The following XRN2 variants were observed in gnomAD, a reference collection of about 807,000 sequenced individuals.
XRN2 encodes the protein DHM1-like protein.
In XRN2, 44 loss-of-function variants were observed where a neutral mutation model predicts 138.5. The observed-to-expected ratio is 0.32, with a 90% confidence interval of 0.25 to 0.41. XRN2 has a LOEUF of 0.41. XRN2 is among the 10% of genes least tolerant of loss of function. The pLI is 1.00. For missense variants in XRN2, 937 were observed against 1,169.3 expected, an observed-to-expected ratio of 0.80 and a Z score of 2.90; for synonymous variants, 354 against 369.4, an observed-to-expected ratio of 0.96 and a Z score of 0.48.
intron 27 of XRN2, among the ~76,000 whole-genome samples, 198 bp from the exon 28 acceptor site, chr20:21,381,796 G>GA (rs1451502138): frequency 5.3e-5 from 8 of 151,896 alleles, no homozygotes; most frequent in African/African-American, 7.3e-5. Context: ...GTTATCAAAG[G>GA]AAAAATAATA....
intron 20 of XRN2, among the ~76,000 whole-genome samples, chr20:21,354,486 T>C (rs532492570): frequency 6.6e-6 from 1 of 152,332 alleles, no homozygotes; most frequent in African/African-American, 2.4e-5. Flanking sequence ...ATATTACTGG[T>C]ATCCAGGTAG....
rs867332455 is a variant in XRN2 at position 21,330,670 on chromosome 20, C to T, written c.541C>T (p.Arg181Cys). Residue 181 changes from arginine (R) to cysteine (C), a missense_variant, in exon 6 of 30, where the codon CGT becomes TGT. By Grantham distance (180) the Arg-to-Cys change is radical (BLOSUM62 -3). This residue lies in a region of XRN2 where 471 missense variants were observed against 581.2 expected (regional missense o/e 0.81). Coordinates refer to ENST00000377191, the MANE Select transcript of XRN2 (RefSeq NM_012255.5). ...ATGCCTTCGCTATTACATAGCTGAT[C>T]GTTTAAATAATGACCCTGGGTGGAA... ...AKCLRYYIAD[R>C]LNNDPGWKNL... The T allele has an allele frequency of 6.2e-7, 1 of 1,612,958 alleles. No individual in the cohort carries two copies. The highest frequency in any genetic ancestry group is 8.5e-7 in the Non-Finnish European group (1 of 1,179,944).
chr20:21,383,227 C>T (rs906884406), intron 28 of XRN2, among the ~76,000 whole-genome samples: 1 of 152,158 alleles, frequency 6.6e-6, no homozygotes, highest in Admixed American at 6.5e-5. Flanking sequence ...GTTCTGAAAG[C>T]ACACAGTATG....
chr20:21,335,364 A>G (rs1197118883), intron 13 of XRN2, among the ~76,000 whole-genome samples: 1 of 152,240 alleles, frequency 6.6e-6, no homozygotes, highest in Non-Finnish European at 1.5e-5. Context: ...TTAAGCAGAT[A>G]ACAACATATA....
chr20:21,332,269 T>C lies in XRN2; in HGVS notation c.701-14T>C. ...TACTCACTGTTCGATGTTTTTCTCA[T>C]TGTTGATTGATAGCTGATCTCATTA... On this transcript the variant is annotated splice_polypyrimidine_tract_variant and intron_variant, in intron 8 of 29. Transcript: ENST00000377191. 6.2e-7 allele frequency: 1 copy of C among 1,605,774 alleles called. No homozygotes were observed. Among genetic ancestry groups the C allele is most frequent in the South Asian group, 1.1e-5 (1 of 90,294 alleles).
chr20:21,351,228 A>G (rs2038506866), intron 20 of XRN2, among the ~76,000 whole-genome samples: 5 of 152,230 alleles, frequency 3.3e-5, no homozygotes, highest in Admixed American at 1.3e-4. Context: ...ATAATGTACA[A>G]GAGTTCAGAT....
chr20:21,339,363 A>G (rs1373789554), intron 14 of XRN2, among the ~76,000 whole-genome samples: 2 of 152,194 alleles, frequency 1.3e-5, no homozygotes, highest in Non-Finnish European at 2.9e-5. Context: ...TTGTTTTTTA[A>G]GTAAAAATGG....
chr20:21,389,368 A>G lies in XRN2; in HGVS notation c.*30A>G, dbSNP rs200364704. On this transcript the variant is annotated 3_prime_UTR_variant, in exon 30 of 30. Coordinates refer to ENST00000377191, the MANE Select transcript of XRN2 (RefSeq NM_012255.5). ...TTGTAAAGCTTTCCCAAATCCTTTC[A>G]TCATTCTACAGTTTTATGCTATTTG... 3.1e-6 allele frequency: 5 copies of G among 1,594,288 alleles called. No homozygotes were observed. In the African/African-American group the frequency reaches 5.4e-5, roughly 17 times the overall value.
chr20:21,360,569 CTTTT>C (rs1193571852), intron 24 of XRN2, among the ~76,000 whole-genome samples: 1 of 151,220 alleles, frequency 6.6e-6, no homozygotes, highest in Non-Finnish European at 1.5e-5. Flanking sequence ...AGAGCGTAAA[CTTTT>C]TTCTTCAGAG....
intron 1 of XRN2, 184 bp downstream of exon 1, chr20:21,303,657 G>C (rs2037770999): frequency 1.5e-6 from 2 of 1,338,002 alleles, no homozygotes; most frequent in African/African-American, 3.1e-5. Flanking sequence ...CAGCACCCCG[G>C]GGGCGAGGAA....
intron 1 of XRN2, among the ~76,000 whole-genome samples, chr20:21,314,767 A>G (rs763308243): frequency 4.6e-5 from 7 of 151,828 alleles, no homozygotes; most frequent in East Asian, 3.9e-4. Context: ...GAGGGTTCCA[A>G]TTTTTCCACA....
chr20:21,387,350 A>G (rs1163709843), intron 29 of XRN2, among the ~76,000 whole-genome samples: 1 of 150,536 alleles, frequency 6.6e-6, no homozygotes, highest in African/African-American at 2.5e-5. Context: ...TTAATGGGTG[A>G]TGATTTTCTG....
rs189745843 is a variant in XRN2, at chr20:21,344,328, A to G, written c.1529+120A>G. 2.1e-4 allele frequency: 151 copies of G among 716,048 alleles called. No homozygotes were observed. The Admixed American group carries it at 3.1e-3, about 15-fold the overall frequency. 44.4% of individuals were successfully genotyped at this position (716,048 alleles called of 1,614,324 possible). ...ATGCTTGCCTGTGATCTTTTTATCC[A>G]TCAGTAATTAATGTGGAGGGTTAGA... On this transcript the variant is annotated intron_variant, in intron 16 of 29. Transcript: ENST00000377191.
chr20:21,377,949 C>G (rs982146856), intron 27 of XRN2, among the ~76,000 whole-genome samples: 3 of 152,166 alleles, frequency 2.0e-5, no homozygotes, highest in Admixed American at 1.3e-4. Context: ...CCGCTCTTTC[C>G]GTCCCTCGAC....
rs763074168 is a variant in XRN2, at chr20:21,331,550, T to A, written c.577-11T>A. ...GGGGATAATCTGAAAGTGTTAACAA[T>A]TTTTTTATAGGTTATTTTATCTGAT... On this transcript the variant is annotated splice_polypyrimidine_tract_variant and intron_variant, in intron 6 of 29. Transcript: ENST00000377191. 2.6e-5 allele frequency: 41 copies of A among 1,605,184 alleles called. No individual in the cohort carries two copies. Among genetic ancestry groups the A allele is most frequent in the Non-Finnish European group, 3.1e-5 (36 of 1,176,052 alleles).
At chr20:21,377,264 C>CTTTGTTTTTTTTTTTTTTTTTTTT (rs2038833737) in intron 27 of XRN2, among the ~76,000 whole-genome samples, 2 of 82,780 alleles carry the variant, frequency 2.4e-5, no homozygotes, top group African/African-American at 5.4e-5. Context: ...TCGGTTTTTT[C>CTTTGTTTTTTTTTTTTTTTTTTTT]TTTTTTTTTT....
At chr20:21,374,818 T>C (rs1475232882) in intron 27 of XRN2, among the ~76,000 whole-genome samples, 3 of 151,914 alleles carry the variant, frequency 2.0e-5, no homozygotes, top group African/African-American at 7.2e-5. Flanking sequence ...TTAGAAAATA[T>C]TTTCTACATT....
chr20:21,333,208 G>T (rs985777139), intron 9 of XRN2, among the ~76,000 whole-genome samples: 6 of 152,170 alleles, frequency 3.9e-5, no homozygotes, highest in African/African-American at 1.4e-4. Flanking sequence ...AATCCTCCAG[G>T]TTTGGCCTGT....
chr20:21,342,705 C>T (rs1243489151), intron 15 of XRN2, among the ~76,000 whole-genome samples: 3 of 152,184 alleles, frequency 2.0e-5, no homozygotes, highest in African/African-American at 4.8e-5. Flanking sequence ...AGTAATCTTT[C>T]ACATGTATTG....
Sources: allele counts gnomAD v4.1 joint callset (sites outside exome capture counted in the v4.1 genomes callset), GRCh38; gene constraint gnomAD v4.1.1; regional missense constraint gnomAD v4.1.1; transcripts MANE v1.5; gene names NCBI Gene and HGNC (gene_info 2026-07-23, HGNC 2026-07-21).